NUP93: variants seen among roughly 807,000 people sequenced by gnomAD.
The protein encoded by NUP93 is nuclear pore complex protein Nup93.
NUP93 carries 55 observed loss-of-function variants against 107.8 expected under a neutral mutation model. That is an observed-to-expected ratio of 0.51 (90% confidence interval 0.41 to 0.64). NUP93 has a LOEUF of 0.64. Ranked by LOEUF, NUP93 falls within the 30% of genes least tolerant of loss-of-function variation. The pLI, the probability that NUP93 is intolerant of heterozygous loss-of-function variation, is 0.00. For synonymous variants in NUP93, 390 were observed against 397.5 expected (o/e 0.98, Z 0.22); for missense variants, 937 against 1,044.7 (o/e 0.90, Z 1.42).
At chr16:56,818,455 C>T (rs1330729025) in intron 5 of NUP93, among the ~76,000 whole-genome samples, 1 of 152,166 alleles carries the variant, frequency 6.6e-6, no homozygotes, top group African/African-American at 2.4e-5. Flanking sequence ...TTAGTTAATC[C>T]AATCTCATGC....
intron 5 of NUP93, among the ~76,000 whole-genome samples, chr16:56,815,992 G>T (rs910045263): frequency 3.3e-5 from 5 of 152,038 alleles, no homozygotes; most frequent in Non-Finnish European, 7.3e-5. Context: ...AATGTTTTTG[G>T]AGAGTTGCCC....
At chr16:56,765,437 A>G (rs1401272784) in intron 3 of NUP93, among the ~76,000 whole-genome samples, 1 of 152,174 alleles carries the variant, frequency 6.6e-6, no homozygotes, top group African/African-American at 2.4e-5. Context: ...ACTTAAAACA[A>G]CCTATAGTTA....
chr16:56,740,353 T>G (rs1459341728), intron 1 of NUP93, among the ~76,000 whole-genome samples: 1 of 130,050 alleles, frequency 7.7e-6, no homozygotes, highest in Admixed American at 7.4e-5. Flanking sequence ...AGACGGGGTC[T>G]CGGCCGGGCA....
At chr16:56,784,891 G>A (rs1180435447) in intron 3 of NUP93, among the ~76,000 whole-genome samples, 1 of 152,106 alleles carries the variant, frequency 6.6e-6, no homozygotes, top group Non-Finnish European at 1.5e-5. Flanking sequence ...TGGAAACTAG[G>A]GAGACAATGA....
intron 9 of NUP93, among the ~76,000 whole-genome samples, chr16:56,829,814 G>C (rs1963743274): frequency 6.6e-6 from 1 of 152,204 alleles, no homozygotes; most frequent in Non-Finnish European, 1.5e-5. Flanking sequence ...CAGCTCAAAG[G>C]GGTTTAAGTG....
intron 1 of NUP93, among the ~76,000 whole-genome samples, chr16:56,738,758 AGAG>A (rs1567371361): frequency 6.6e-6 from 1 of 152,164 alleles, no homozygotes; most frequent in Admixed American, 6.5e-5. Context: ...TATTCAAAAG[AGAG>A]GAGAACAGAA....
chr16:56,800,090 G>C (rs566899434), intron 4 of NUP93, among the ~76,000 whole-genome samples: 3 of 152,288 alleles, frequency 2.0e-5, no homozygotes, highest in Admixed American at 2.0e-4. Context: ...GGCTGAGGCA[G>C]GAGAACCGCT....
At chr16:56,828,188 G>A (rs1191541025) in intron 8 of NUP93, among the ~76,000 whole-genome samples, 2 of 111,324 alleles carry the variant, frequency 1.8e-5, no homozygotes, top group Non-Finnish European at 3.5e-5. Context: ...ACAAGACCCT[G>A]CCTCTTAAAA....
chr16:56,737,719 GCT>G (rs1442521969), intron 1 of NUP93, among the ~76,000 whole-genome samples: 2 of 150,152 alleles, frequency 1.3e-5, no homozygotes, highest in African/African-American at 4.9e-5. Flanking sequence ...CTTTTCCATT[GCT>G]GTGTGTGGTA....
At chr16:56,833,486 C>T (rs1383658613) in intron 13 of NUP93, 80 bp downstream of exon 13, 2 of 1,171,202 alleles carry the variant, frequency 1.7e-6, no homozygotes, top group Non-Finnish European at 2.3e-6. Context: ...AAAACCACAA[C>T]CAATAAGGAT....
chr16:56,749,003 G>C (rs1961870191), intron 2 of NUP93, among the ~76,000 whole-genome samples: 1 of 152,170 alleles, frequency 6.6e-6, no homozygotes, highest in African/African-American at 2.4e-5. Flanking sequence ...TGAGCCCTAA[G>C]AGAGTGCAGC....
intron 3 of NUP93, among the ~76,000 whole-genome samples, chr16:56,770,022 T>A (rs1423027798): frequency 6.6e-6 from 1 of 152,214 alleles, no homozygotes; most frequent in Non-Finnish European, 1.5e-5. Context: ...GCAAAATTAT[T>A]CACGTCTAAG....
At chr16:56,741,811 T>C (rs1961745115) in intron 1 of NUP93, 1 of 152,150 alleles carries the variant, frequency 6.6e-6, no homozygotes, top group African/African-American at 2.4e-5. Flanking sequence ...AAAGAGACAA[T>C]ATTTGGGTAT....
intron 5 of NUP93, 133 bp downstream of exon 5, chr16:56,805,765 A>G: frequency 2.0e-6 from 2 of 992,930 alleles, no homozygotes; most frequent in Non-Finnish European, 3.0e-6. Flanking sequence ...CTTAGCTTTT[A>G]GGATGCCGCA....
chr16:56,838,165 C>G (rs1963951505), intron 18 of NUP93, among the ~76,000 whole-genome samples: 1 of 152,186 alleles, frequency 6.6e-6, no homozygotes, highest in Non-Finnish European at 1.5e-5. Context: ...TATCAGACTT[C>G]TAACTAGTTT....
chr16:56,828,859 G>T, intron 8 of NUP93, 118 bp from the exon 9 acceptor site: 1 of 974,768 alleles, frequency 1.0e-6, no homozygotes. Context: ...CTTCTGCATT[G>T]AGCTTGAAGT....
Position 56,783,738 on chromosome 16 carries a change from C to T in NUP93, c.298-14738C>T. 5.1e-6 allele frequency: 5 copies of T among 985,378 alleles called. No individual in the cohort carries two copies. In the South Asian group the frequency reaches 1.9e-4, roughly 37 times the overall value. The allele number at this position is 985,378 out of a possible 1,614,324, so 61.0% of individuals were successfully genotyped here. On this transcript the variant is annotated intron_variant, in intron 3 of 21. Transcript: ENST00000308159. ...TCTGAAGGCAGCTGCAAGGCCATTT[C>T]ATTTACATTAGGTTCCATGGCACAG...
At chr16:56,748,115 T>C in intron 1 of NUP93, 119 bp from the exon 2 acceptor site, 1 of 619,298 alleles carries the variant, frequency 1.6e-6, no homozygotes, top group Non-Finnish European at 2.8e-6. Flanking sequence ...GTTGATGAGC[T>C]GTGTCCTCGT....
At chr16:56,800,191 A>G (rs1325589338) in intron 4 of NUP93, among the ~76,000 whole-genome samples, 1 of 152,232 alleles carries the variant, frequency 6.6e-6, no homozygotes, top group African/African-American at 2.4e-5. Flanking sequence ...TCAAAAAAAT[A>G]AATAAAATCC....
Sources: gnomAD v4.1 joint callset for allele counts (sites outside exome capture counted in the v4.1 genomes callset) on GRCh38, gnomAD v4.1.1 for gene constraint, MANE v1.5 for transcripts, NCBI Gene and HGNC (gene_info 2026-07-23, HGNC 2026-07-21) for gene names.